Variants in CHODL observed in about 807,000 individuals in gnomAD.
CHODL encodes transmembrane protein MT75.
Under a neutral mutation model 34.5 loss-of-function variants are expected in CHODL, and 29 were observed. The ratio of observed to expected loss-of-function variants is 0.84; its 90% CI spans 0.63 to 1.15. CHODL has a LOEUF of 1.15. CHODL is among the 50% of genes most tolerant of loss of function. CHODL has a pLI of 0.00. For missense variants in CHODL, 332 were observed against 332.5 expected (o/e 1.00, Z 0.01); for synonymous variants, 125 against 116.1 (o/e 1.08, Z -0.49).
rs548067871 is a variant in CHODL at position 18,007,429 on chromosome 21, ACT to A, written c.-144-20439_-144-20438del. On this transcript the variant is annotated intron_variant, in intron 1 of 6. Transcript: ENST00000400127. ...GAGGAATAAGTACTTGGGATATAAA[ACT>A]CTCGTCAAACTGATAGTCTGGTATT... Among the ~76,000 whole-genome samples the A allele has an allele frequency of 2.8e-4, 42 of 152,256 alleles. No homozygotes were observed. The South Asian group carries it at 4.6e-3, about 17-fold the overall frequency.
intron 1 of CHODL, among the ~76,000 whole-genome samples, chr21:17,968,661 C>A (rs2146360044): frequency 6.6e-6 from 1 of 152,284 alleles, no homozygotes; most frequent in East Asian, 1.9e-4. Flanking sequence ...TCCCTAGTCT[C>A]TAGCACAGTG....
At chr21:18,001,297 C>A (rs775666452) in intron 1 of CHODL, among the ~76,000 whole-genome samples, 1 of 152,214 alleles carries the variant, frequency 6.6e-6, no homozygotes, top group Non-Finnish European at 1.5e-5. Flanking sequence ...TGTATGAGAA[C>A]AAGGGTCACC....
chr21:18,080,453 G>A (rs1007289439), intron 2 of CHODL, among the ~76,000 whole-genome samples: 1 of 152,128 alleles, frequency 6.6e-6, no homozygotes, highest in African/African-American at 2.4e-5. Flanking sequence ...CAAGGATATT[G>A]ATAGTTTCAA....
At chr21:18,228,354 TG>T (rs1318685094) in intron 2 of CHODL, among the ~76,000 whole-genome samples, 1 of 152,120 alleles carries the variant, frequency 6.6e-6, no homozygotes, top group Non-Finnish European at 1.5e-5. Context: ...TTCTCTGTCA[TG>T]TTTTTTTTCT....
intron 2 of CHODL, among the ~76,000 whole-genome samples, chr21:18,122,548 AT>A (rs11415506): frequency 3.3e-5 from 5 of 150,050 alleles, no homozygotes; most frequent in South Asian, 2.1e-4. Context: ...TTTCTGCTCA[AT>A]TTTTTTTTTT....
At chr21:17,970,052 A>G (rs1260705368) in intron 1 of CHODL, among the ~76,000 whole-genome samples, 1 of 152,148 alleles carries the variant, frequency 6.6e-6, no homozygotes, top group East Asian at 1.9e-4. Flanking sequence ...CAGCTTCTCT[A>G]TTGGATCCTG....
At chr21:17,943,421 T>C (rs929820726) in intron 1 of CHODL, among the ~76,000 whole-genome samples, 1 of 152,202 alleles carries the variant, frequency 6.6e-6, no homozygotes, top group Admixed American at 6.5e-5. Flanking sequence ...ACTCTTTTAA[T>C]ATATATCTTC....
At chr21:17,930,395 T>C (rs2063262738) in intron 1 of CHODL, among the ~76,000 whole-genome samples, 1 of 137,460 alleles carries the variant, frequency 7.3e-6, no homozygotes, top group South Asian at 2.6e-4. Context: ...TGTGCCACAA[T>C]GACCAGATCC....
Position 18,255,032 on chromosome 21 carries a change from T to TA in CHODL, c.80-1476dup, listed in dbSNP as rs545273808. Among the ~76,000 whole-genome samples the TA allele has an allele frequency of 5.7e-3, 874 of 152,232 alleles. 4 individuals are homozygous for TA. The highest frequency in any genetic ancestry group is 0.01 in the Non-Finnish European group (705 of 67,974). On this transcript the variant is annotated intron_variant, in intron 1 of 5. Coordinates refer to ENST00000299295, the MANE Select transcript of CHODL (RefSeq NM_024944.3). ...TTCAGTATACTACAAATAATGACTT[T>TA]ATTGGGTATAGTATAGACTGTACAT...
chr21:18,095,133 A>C (rs3958576), intron 2 of CHODL, among the ~76,000 whole-genome samples: 2 of 151,424 alleles, frequency 1.3e-5, no homozygotes, highest in African/African-American at 4.8e-5. Flanking sequence ...CAAAAAAAAA[A>C]AAGAAGGAAA....
chr21:18,129,179 T>C lies in CHODL; in HGVS notation c.-45+101208T>C, dbSNP rs558749727. Among the ~76,000 whole-genome samples, 291 of 152,272 alleles carry C rather than the reference T, an allele frequency of 1.9e-3. 2 individuals are homozygous for C. The highest frequency in any genetic ancestry group is 6.7e-3 in the African/African-American group (280 of 41,558). On this transcript the variant is annotated intron_variant, in intron 2 of 6. Transcript: ENST00000400127. The stretch of plus-strand genomic sequence containing the variant: ...ATGATGATGGGTTATTTTAATGAAG[T>C]TCTACCATATAAAACATACTCAGAA...
intron 2 of CHODL, among the ~76,000 whole-genome samples, chr21:18,155,848 A>G (rs1427476740): frequency 6.6e-6 from 1 of 152,220 alleles, no homozygotes; most frequent in Non-Finnish European, 1.5e-5. Flanking sequence ...GCAGTCTAGC[A>G]TAAATTGCTA....
intron 1 of CHODL, among the ~76,000 whole-genome samples, chr21:17,982,878 C>A (rs1359386960): frequency 6.9e-6 from 1 of 145,434 alleles, no homozygotes; most frequent in Middle Eastern, 3.2e-3. Context: ...CTCCCTCCAA[C>A]CCCCCCCAGC....
At chr21:17,945,069 G>A (rs1260875291) in intron 1 of CHODL, among the ~76,000 whole-genome samples, 3 of 151,736 alleles carry the variant, frequency 2.0e-5, no homozygotes, top group Non-Finnish European at 4.4e-5. Context: ...AAAATTAGCC[G>A]GGCATGGTGG....
At chr21:18,177,017 T>C (rs1172983860) in intron 2 of CHODL, among the ~76,000 whole-genome samples, 1 of 151,732 alleles carries the variant, frequency 6.6e-6, no homozygotes, top group East Asian at 1.9e-4. Flanking sequence ...TTGCAGAGAG[T>C]CTTGAGCTAT....
chr21:18,130,539 G>A (rs1268601631), intron 2 of CHODL, among the ~76,000 whole-genome samples: 1 of 152,036 alleles, frequency 6.6e-6, no homozygotes, highest in Non-Finnish European at 1.5e-5. Context: ...TGATTCCTGG[G>A]AATGAACAGT....
intron 2 of CHODL, among the ~76,000 whole-genome samples, chr21:18,090,928 T>C (rs1160234729): frequency 6.6e-6 from 1 of 152,096 alleles, no homozygotes; most frequent in African/African-American, 2.4e-5. Flanking sequence ...TAACTTCATA[T>C]CATTAAAAAA....
chr21:18,122,143 G>A (rs60456041), intron 2 of CHODL, among the ~76,000 whole-genome samples: 8,378 of 152,098 alleles, frequency 0.055, 404 homozygotes, highest in African/African-American at 0.13. Context: ...AACAACTATA[G>A]GGTTCTAAAG....
chr21:18,168,317 G>A (rs1157021522), intron 2 of CHODL, among the ~76,000 whole-genome samples: 2 of 152,134 alleles, frequency 1.3e-5, no homozygotes, highest in African/African-American at 4.8e-5. Flanking sequence ...TGTCCCTCTA[G>A]AAAACCCTGA....
Sources: allele counts gnomAD v4.1 joint callset (sites outside exome capture counted in the v4.1 genomes callset), GRCh38; gene constraint gnomAD v4.1.1; transcripts MANE v1.5; gene names NCBI Gene and HGNC (gene_info 2026-07-23, HGNC 2026-07-21).